The following PITPNC1 variants were observed in gnomAD, a reference collection of about 807,000 sequenced individuals.
The protein encoded by PITPNC1 is cytoplasmic phosphatidylinositol transfer protein 1.
Under a neutral mutation model 44.7 loss-of-function variants are expected in PITPNC1, and 18 were observed. The ratio of observed to expected loss-of-function variants is 0.40; its 90% CI spans 0.28 to 0.60. The LOEUF (loss-of-function observed/expected upper bound fraction) is 0.60. PITPNC1 is among the 20% of genes least tolerant of loss of function. The pLI is 0.39. For synonymous variants in PITPNC1, 141 were observed against 149.6 expected (o/e 0.94, Z 0.42); for missense variants, 290 against 418.4 (o/e 0.69, Z 2.68).
chr17:67,441,963 C>T (rs745631540), intron 1 of PITPNC1, among the ~76,000 whole-genome samples: 3 of 151,786 alleles, frequency 2.0e-5, no homozygotes, highest in African/African-American at 7.3e-5. Flanking sequence ...ACCCCTGAAG[C>T]GTTTGTGATT....
At chr17:67,567,701 G>T (rs940849029) in intron 4 of PITPNC1, among the ~76,000 whole-genome samples, 1 of 151,988 alleles carries the variant, frequency 6.6e-6, no homozygotes, top group Non-Finnish European at 1.5e-5. Context: ...ATGGCCGGGC[G>T]CAGTGGCTCA....
chr17:67,387,725 T>C (rs2038075878), intron 1 of PITPNC1, among the ~76,000 whole-genome samples: 1 of 152,180 alleles, frequency 6.6e-6, no homozygotes, highest in Admixed American at 6.6e-5. Flanking sequence ...TATCCTCTAT[T>C]ATCTGCCTCT....
chr17:67,407,595 G>A (rs897567098), intron 1 of PITPNC1, among the ~76,000 whole-genome samples: 2 of 152,172 alleles, frequency 1.3e-5, no homozygotes, highest in East Asian at 1.9e-4. Flanking sequence ...CTGAGGTCAG[G>A]AGTTTGAGAC....
At chr17:67,596,698 G>T (rs1287388295) in intron 5 of PITPNC1, among the ~76,000 whole-genome samples, 1 of 151,822 alleles carries the variant, frequency 6.6e-6, no homozygotes, top group East Asian at 1.9e-4. Context: ...GATCAGACTC[G>T]ATTTGCTCAT....
chr17:67,378,676 A>C (rs1310513777), intron 1 of PITPNC1, among the ~76,000 whole-genome samples: 1 of 152,014 alleles, frequency 6.6e-6, no homozygotes. Flanking sequence ...CCGCGGGAGG[A>C]ACCTCTGAGC....
At position 67,552,107 on chromosome 17, in the gene PITPNC1, A is replaced by C. The variant is rs986560249; in HGVS notation, c.198-150A>C. ...GCACGGGAAAAAGTTAACTATGACA[A>C]AGACCGAAGAGATGGGGAAAGGGCA... is the stretch of plus-strand genomic sequence containing the variant. On this transcript the variant is annotated intron_variant, in intron 2 of 8. Coordinates refer to ENST00000581322, the MANE Select transcript of PITPNC1 (RefSeq NM_012417.4). The C allele has an allele frequency of 1.0e-4, 62 of 614,402 alleles. No individual in the cohort carries two copies. The African/African-American group carries it at 1.1e-3, about 11-fold the overall frequency. 38.1% of individuals were successfully genotyped at this position (614,402 alleles called of 1,614,324 possible). A position where few individuals can be genotyped will look rare whatever the true frequency, so the allele number is the denominator to read the frequency against.
At position 67,692,769 on chromosome 17, in the gene PITPNC1, C is replaced by T. The variant is rs547443023; in HGVS notation, c.880C>T (p.Arg294Trp). The T allele has an allele frequency of 1.7e-5, 27 of 1,613,716 alleles. No individual in the cohort carries two copies. The highest frequency in any genetic ancestry group is 7.7e-5 in the South Asian group (7 of 91,076). Residue 294 changes from arginine (R) to tryptophan (W), a missense_variant, in exon 9 of 9, where the codon CGG becomes TGG. Transcript: ENST00000581322. ...CGAATTTCTGTCCGTTCCCAAAGATCGGCCCCGGAAAAAGTCTGCCCCAGA... is the reference window on the plus strand; with the variant it reads ...CGAATTTCTGTCCGTTCCCAAAGATTGGCCCCGGAAAAAGTCTGCCCCAGA... The part of the protein sequence containing the change: ...APEFLSVPKD[R>W]PRKKSAPETL...
At chr17:67,471,587 C>T (rs1259811054) in intron 1 of PITPNC1, 1 of 366,082 alleles carries the variant, frequency 2.7e-6, no homozygotes, top group Non-Finnish European at 5.2e-6. Flanking sequence ...TTCCCTCTCT[C>T]TGGATTTGCA....
chr17:67,646,115 A>T (rs2042146251), intron 6 of PITPNC1, among the ~76,000 whole-genome samples: 1 of 152,092 alleles, frequency 6.6e-6, no homozygotes, highest in Non-Finnish European at 1.5e-5. Context: ...AACAAGTGAG[A>T]CTCTGTCTGA....
chr17:67,432,658 G>A (rs1465720038), intron 1 of PITPNC1, among the ~76,000 whole-genome samples: 1 of 152,192 alleles, frequency 6.6e-6, no homozygotes, highest in African/African-American at 2.4e-5. Context: ...GTTGGACATG[G>A]CTGTTTCAGT....
chr17:67,659,087 T>C (rs980012688), intron 6 of PITPNC1, among the ~76,000 whole-genome samples: 9 of 152,232 alleles, frequency 5.9e-5, no homozygotes, highest in Admixed American at 4.6e-4. Flanking sequence ...TGGCTGATTG[T>C]GTGAACTTTT....
At chr17:67,460,740 CTTTTTTTT>C (rs138545288) in intron 1 of PITPNC1, among the ~76,000 whole-genome samples, 1 of 121,534 alleles carries the variant, frequency 8.2e-6, no homozygotes, top group Admixed American at 9.0e-5. Flanking sequence ...TTCTTTCTTT[CTTTTTTTT>C]TTTTTTTTTT....
intron 6 of PITPNC1, among the ~76,000 whole-genome samples, chr17:67,641,456 T>C (rs1046954861): frequency 4.6e-4 from 70 of 152,316 alleles, no homozygotes; most frequent in African/African-American, 1.7e-3. Context: ...CTTGCCATTT[T>C]TCTGTGCAGC....
chr17:67,474,351 T>A (rs1025644328), intron 1 of PITPNC1, among the ~76,000 whole-genome samples: 11 of 152,252 alleles, frequency 7.2e-5, no homozygotes, highest in African/African-American at 2.4e-4. Context: ...AGTTGACTTT[T>A]GGAATTTTAA....
At chr17:67,491,157 G>A (rs181922006) in intron 1 of PITPNC1, among the ~76,000 whole-genome samples, 4 of 152,358 alleles carry the variant, frequency 2.6e-5, no homozygotes, top group East Asian at 3.9e-4. Flanking sequence ...TCTGGAGCCC[G>A]GAGCCGGAGC....
intron 4 of PITPNC1, among the ~76,000 whole-genome samples, chr17:67,563,224 G>A (rs569584545): frequency 1.6e-3 from 250 of 152,272 alleles, no homozygotes; most frequent in African/African-American, 5.2e-3. Flanking sequence ...TACAGTACCA[G>A]AGAATCGATG....
intron 4 of PITPNC1, among the ~76,000 whole-genome samples, chr17:67,556,221 A>G (rs2040836604): frequency 6.6e-6 from 1 of 152,158 alleles, no homozygotes; most frequent in Admixed American, 6.5e-5. Flanking sequence ...TGGGGCCTTG[A>G]GTTTTGGGGA....
intron 1 of PITPNC1, among the ~76,000 whole-genome samples, chr17:67,420,416 CCTCTT>C (rs1275559790): frequency 1.2e-4 from 17 of 140,854 alleles, no homozygotes; most frequent in East Asian, 2.5e-4. Context: ...TTCCTTCCTT[CCTCTT>C]CTCTTCTCTT....
rs528607911 is a variant in PITPNC1, at chr17:67,443,599, AGCACAGAGGACAATAG to A, written c.48+65401_48+65416del. On this transcript the variant is annotated intron_variant, in intron 1 of 8. Transcript: ENST00000581322. Reference sequence around the variant, plus strand: ...CCATAAAAAATCCATGAAAAACAAAAGCACAGAGGACAATAGGCAGAGAGGACACTGGTCTTTTTTT... The same window carrying A: ...CCATAAAAAATCCATGAAAAACAAAAGCAGAGAGGACACTGGTCTTTTTTT... 3.0e-3 allele frequency among the ~76,000 whole-genome samples: 453 copies of A among 150,964 alleles called. 8 individuals carry two copies. The highest frequency in any genetic ancestry group is 0.01 in the Middle Eastern group (3 of 292).
Sources: gnomAD v4.1 joint callset for allele counts (sites outside exome capture counted in the v4.1 genomes callset) on GRCh38, gnomAD v4.1.1 for gene constraint, MANE v1.5 for transcripts, NCBI Gene and HGNC (gene_info 2026-07-23, HGNC 2026-07-21) for gene names.